CACNA2D3: variants seen among roughly 807,000 people sequenced by gnomAD.
CACNA2D3 encodes the protein voltage-dependent calcium channel subunit alpha-2/delta-3.
CACNA2D3 carries 60 observed loss-of-function variants against 160.6 expected under a neutral mutation model. The ratio of observed to expected loss-of-function variants is 0.37; its 90% CI spans 0.30 to 0.46. The LOEUF (loss-of-function observed/expected upper bound fraction) is 0.46. Among genes scored for constraint, CACNA2D3 ranks in the 20% least tolerant of loss-of-function variants. The pLI is 1.00. For synonymous variants in CACNA2D3, 558 were observed against 492.9 expected (o/e 1.13, Z -1.75); for missense variants, 1,205 against 1,365.0 (o/e 0.88, Z 1.85).
intron 4 of CACNA2D3, among the ~76,000 whole-genome samples, chr3:54,436,729 T>C (rs1339508521): frequency 1.3e-5 from 2 of 151,588 alleles, no homozygotes; most frequent in Non-Finnish European, 2.9e-5. Flanking sequence ...AGTTGAACAA[T>C]GAGAATACAT....
At chr3:55,039,805 C>G (rs1657528903) in intron 35 of CACNA2D3, among the ~76,000 whole-genome samples, 2 of 152,140 alleles carry the variant, frequency 1.3e-5, no homozygotes, top group African/African-American at 4.8e-5. Flanking sequence ...TCTTTTAAGT[C>G]TTTTTAGGAG....
intron 9 of CACNA2D3, chr3:54,626,307 G>T: frequency 6.5e-7 from 1 of 1,546,562 alleles, no homozygotes. Flanking sequence ...CCTACAAGCG[G>T]CTGATGCCGC....
chr3:54,921,894 T>G (rs1219955040), intron 27 of CACNA2D3, among the ~76,000 whole-genome samples: 1 of 148,868 alleles, frequency 6.7e-6, no homozygotes, highest in African/African-American at 2.4e-5. Flanking sequence ...CCTGTAGTGT[T>G]TGCATTTGTT....
At chr3:54,617,951 G>GTT (rs113051962) in intron 9 of CACNA2D3, among the ~76,000 whole-genome samples, 2 of 142,526 alleles carry the variant, frequency 1.4e-5, no homozygotes, top group African/African-American at 5.1e-5. Context: ...TAGAGTTTGG[G>GTT]TTTTTTTTTT....
At chr3:54,587,047 A>G (rs1283493127) in intron 9 of CACNA2D3, among the ~76,000 whole-genome samples, 1 of 152,106 alleles carries the variant, frequency 6.6e-6, no homozygotes, top group East Asian at 1.9e-4. Context: ...ATAGCACTAT[A>G]TACTTACATA....
At chr3:54,221,262 A>T (rs1362520554) in intron 2 of CACNA2D3, among the ~76,000 whole-genome samples, 2 of 152,192 alleles carry the variant, frequency 1.3e-5, no homozygotes, top group Non-Finnish European at 2.9e-5. Flanking sequence ...TTCAAATGTT[A>T]GTGGTGAGAG....
chr3:54,744,697 A>G (rs1350374401), intron 11 of CACNA2D3, among the ~76,000 whole-genome samples: 1 of 152,240 alleles, frequency 6.6e-6, no homozygotes, highest in Non-Finnish European at 1.5e-5. Context: ...GGCTGAGGGA[A>G]GTATCTATGG....
intron 13 of CACNA2D3, among the ~76,000 whole-genome samples, chr3:54,813,030 T>A (rs960613922): frequency 6.6e-6 from 1 of 152,218 alleles, no homozygotes; most frequent in Non-Finnish European, 1.5e-5. Flanking sequence ...CATCCCCTTC[T>A]GAATACACAT....
rs562032258 is a variant in CACNA2D3, at chr3:54,964,572, G to A, written c.2450-3878G>A. Among the ~76,000 whole-genome samples, 4 of 152,282 alleles carry A rather than the reference G, an allele frequency of 2.6e-5. No homozygotes were observed. The South Asian group carries it at 8.3e-4, about 32-fold the overall frequency. ...TAGACGGGCTTGACAAATGTCTCAG[G>A]TTCCATTTAGGTTATGTGGGGGCTG... On this transcript the variant is annotated intron_variant, in intron 27 of 37. Coordinates refer to ENST00000474759, the MANE Select transcript of CACNA2D3 (RefSeq NM_018398.3).
At position 54,256,866 on chromosome 3, in the gene CACNA2D3, T is replaced by G. The variant is rs78342337; in HGVS notation, c.205-63576T>G. On this transcript the variant is annotated intron_variant, in intron 2 of 37. Coordinates refer to ENST00000474759, the MANE Select transcript of CACNA2D3 (RefSeq NM_018398.3). ...GGTCTGTAGAAAAAAATAAGGAGCC[T>G]CTCTGATTAACAGGATACAATAGAA... is the stretch of plus-strand genomic sequence containing the variant. Among the ~76,000 whole-genome samples, 1,072 of 152,068 alleles carry G rather than the reference T, an allele frequency of 7.0e-3. 15 individuals are homozygous for G. The highest frequency in any genetic ancestry group is 0.039 in the Admixed American group (603 of 15,268).
At chr3:54,428,489 C>G (rs1699941398) in intron 4 of CACNA2D3, among the ~76,000 whole-genome samples, 1 of 152,094 alleles carries the variant, frequency 6.6e-6, no homozygotes, top group Non-Finnish European at 1.5e-5. Context: ...ATGATTCGCA[C>G]CAGTGCAGCT....
chr3:54,386,474 T>G (rs1699188037), intron 3 of CACNA2D3, among the ~76,000 whole-genome samples: 1 of 152,200 alleles, frequency 6.6e-6, no homozygotes, highest in Non-Finnish European at 1.5e-5. Flanking sequence ...AGAACACGTG[T>G]GCATTTATAA....
intron 2 of CACNA2D3, among the ~76,000 whole-genome samples, chr3:54,212,424 C>T (rs1193408127): frequency 6.6e-6 from 1 of 152,120 alleles, no homozygotes; most frequent in Admixed American, 6.5e-5. Flanking sequence ...AAGTTATTAT[C>T]TAAAGGCCTG....
intron 2 of CACNA2D3, among the ~76,000 whole-genome samples, chr3:54,276,612 C>CATTAGAG (rs1159796057): frequency 6.6e-6 from 1 of 151,106 alleles, no homozygotes. Context: ...AAGAGAGAGC[C>CATTAGAG]ATTAGAGAGA....
intron 35 of CACNA2D3, among the ~76,000 whole-genome samples, chr3:55,063,975 T>C (rs983852780): frequency 6.6e-6 from 1 of 152,280 alleles, no homozygotes; most frequent in Non-Finnish European, 1.5e-5. Flanking sequence ...AACTTTTTCC[T>C]TCTTTCTGTG....
At chr3:54,859,971 T>TGC (rs141605463) in intron 17 of CACNA2D3, among the ~76,000 whole-genome samples, 756 of 61,138 alleles carry the variant, frequency 0.012, 6 homozygotes, top group Admixed American at 0.02. Flanking sequence ...GGAAAGTAGA[T>TGC]GCACACACAC....
chr3:54,817,175 T>A (rs1272915522), intron 14 of CACNA2D3, among the ~76,000 whole-genome samples: 1 of 152,222 alleles, frequency 6.6e-6, no homozygotes, highest in Non-Finnish European at 1.5e-5. Flanking sequence ...TTCCTTCCAA[T>A]GTAGCATTCC....
intron 11 of CACNA2D3, among the ~76,000 whole-genome samples, chr3:54,654,390 A>C (rs1699837103): frequency 6.6e-6 from 1 of 152,176 alleles, no homozygotes; most frequent in South Asian, 2.1e-4. Context: ...AGTGAATTGG[A>C]CAGGAATCAG....
At chr3:54,541,429 A>G (rs1278706743) in intron 5 of CACNA2D3, among the ~76,000 whole-genome samples, 1 of 152,152 alleles carries the variant, frequency 6.6e-6, no homozygotes, top group Non-Finnish European at 1.5e-5. Context: ...GCCAACAACC[A>G]CGAGAAGCTA....
Sources: allele counts gnomAD v4.1 joint callset (sites outside exome capture counted in the v4.1 genomes callset), GRCh38; gene constraint gnomAD v4.1.1; transcripts MANE v1.5; gene names NCBI Gene and HGNC (gene_info 2026-07-23, HGNC 2026-07-21).